Variants in NEBL observed in about 807,000 individuals in gnomAD.
The protein encoded by NEBL is LIM and SH3 protein 2.
In NEBL, 122 loss-of-function variants were observed where a neutral mutation model predicts 140.2. That is an observed-to-expected ratio of 0.87 (90% CI 0.75 to 1.01). The LOEUF is 1.01. Among genes scored for constraint, NEBL ranks in the 50% least tolerant of loss-of-function variants. NEBL has a pLI of 0.00. For synonymous variants in NEBL, 436 were observed against 398.9 expected (o/e 1.09, Z -1.11); for missense variants, 1,365 against 1,231.3 (o/e 1.11, Z -1.62).
At chr10:21,264,776 T>C (rs1181978260) in intron 1 of NEBL, among the ~76,000 whole-genome samples, 1 of 145,260 alleles carries the variant, frequency 6.9e-6, no homozygotes, top group African/African-American at 2.6e-5. Flanking sequence ...CAGAAATGTA[T>C]TGCTCACAGT....
At chr10:20,949,362 TA>T (rs1261878894) in intron 4 of NEBL, among the ~76,000 whole-genome samples, 2 of 152,124 alleles carry the variant, frequency 1.3e-5, no homozygotes, top group African/African-American at 2.4e-5. Flanking sequence ...GTTTAAAACC[TA>T]GGTGACGGAT....
At chr10:21,081,346 AG>A (rs1395186933) in intron 2 of NEBL, among the ~76,000 whole-genome samples, 1 of 152,192 alleles carries the variant, frequency 6.6e-6, no homozygotes, top group Non-Finnish European at 1.5e-5. Flanking sequence ...AGCAGGGGAA[AG>A]GCAGTCAGCC....
At chr10:20,895,053 C>T (rs925079680) in intron 2 of NEBL, among the ~76,000 whole-genome samples, 3 of 151,738 alleles carry the variant, frequency 2.0e-5, no homozygotes, top group Admixed American at 6.6e-5. Context: ...ATTTTACCTA[C>T]GTGGGTGTGA....
intron 1 of NEBL, among the ~76,000 whole-genome samples, chr10:21,289,706 C>T (rs1178829916): frequency 6.6e-6 from 1 of 152,176 alleles, no homozygotes; most frequent in Non-Finnish European, 1.5e-5. Context: ...ATTTGGGCCC[C>T]TTTGAATGAT....
intron 4 of NEBL, among the ~76,000 whole-genome samples, chr10:20,940,783 T>C (rs1207400708): frequency 6.6e-6 from 1 of 151,868 alleles, no homozygotes; most frequent in Non-Finnish European, 1.5e-5. Flanking sequence ...AAATACAAAC[T>C]ACCATCAGAG....
intron 2 of NEBL, among the ~76,000 whole-genome samples, chr10:21,117,609 G>C (rs181616420): frequency 2.6e-5 from 4 of 152,280 alleles, no homozygotes; most frequent in African/African-American, 7.2e-5. Context: ...TGTGCTGCTT[G>C]CCTAATGTCT....
chr10:20,920,498 G>A (rs1833530933), intron 4 of NEBL, among the ~76,000 whole-genome samples: 1 of 152,168 alleles, frequency 6.6e-6, no homozygotes, highest in South Asian at 2.1e-4. Context: ...AGGAGTCCAG[G>A]ATACAGCAAT....
intron 2 of NEBL, among the ~76,000 whole-genome samples, chr10:21,060,439 A>G (rs893881): frequency 0.41 from 62,298 of 152,000 alleles, 12,839 homozygotes; most frequent in Middle Eastern, 0.47. Flanking sequence ...TATCAGAATC[A>G]TCTGGATTGC....
At chr10:21,276,896 G>T (rs1039851509) in intron 1 of NEBL, among the ~76,000 whole-genome samples, 12 of 152,118 alleles carry the variant, frequency 7.9e-5, no homozygotes, top group Non-Finnish European at 1.8e-4. Context: ...GTGAACCTGA[G>T]AGGCGGAGGT....
Position 20,812,900 on chromosome 10 carries a change from C to T in NEBL, c.2387G>A (p.Gly796Asp), listed in dbSNP as rs752344874. The T allele has an allele frequency of 6.2e-7, 1 of 1,613,956 alleles. No individual in the cohort carries two copies. Among genetic ancestry groups the T allele is most frequent in the South Asian group, 1.1e-5 (1 of 91,086 alleles). ...AGGATCGTCCACGACGGGAGTAAAGCCTCTCCCCTTTGTTTTTTCAAAATC... is the reference window on the plus strand; with the variant it reads ...AGGATCGTCCACGACGGGAGTAAAGTCTCTCCCCTTTGTTTTTTCAAAATC... ...HEDFEKTKGR[G>D]FTPVVDDPVT... Residue 796 changes from glycine (G) to aspartate (D), a missense_variant, in exon 24 of 28, where the codon GGC (glycine) becomes GAC (aspartate). By Grantham distance (94) the Gly-to-Asp change is moderately conservative (BLOSUM62 -1). This residue lies in a region of NEBL where 1,323 missense variants were observed against 1,154.8 expected (regional missense o/e 1.15). Transcript: ENST00000377122.
intron 5 of NEBL, among the ~76,000 whole-genome samples, chr10:20,876,709 C>T (rs1320775741): frequency 3.9e-5 from 6 of 152,118 alleles, no homozygotes; most frequent in Non-Finnish European, 5.9e-5. Flanking sequence ...GTATAGACCA[C>T]ATTACTTACA....
At chr10:20,839,200 G>A (rs773969621) in intron 13 of NEBL, among the ~76,000 whole-genome samples, 35 of 152,156 alleles carry the variant, frequency 2.3e-4, no homozygotes, top group South Asian at 1.7e-3. Context: ...TGCTCCTGCC[G>A]CCATCCTGCC....
At chr10:21,041,157 C>G (rs1054769081) in intron 2 of NEBL, among the ~76,000 whole-genome samples, 3 of 152,142 alleles carry the variant, frequency 2.0e-5, no homozygotes, top group Non-Finnish European at 4.4e-5. Flanking sequence ...TTTTGTTAAC[C>G]AGGTAATCAG....
intron 3 of NEBL, among the ~76,000 whole-genome samples, chr10:20,995,912 T>G (rs1408438091): frequency 6.6e-6 from 1 of 150,642 alleles, no homozygotes; most frequent in Non-Finnish European, 1.5e-5. Context: ...CTAATTCTTT[T>G]TCCTTTACAG....
chr10:20,839,352 T>C (rs1841190062), intron 13 of NEBL, among the ~76,000 whole-genome samples: 3 of 152,188 alleles, frequency 2.0e-5, no homozygotes, highest in South Asian at 4.1e-4. Flanking sequence ...AAATGACTAA[T>C]GTAGGGTTAA....
At chr10:21,070,031 C>T (rs1230591320) in intron 2 of NEBL, 8 of 455,868 alleles carry the variant, frequency 1.8e-5, no homozygotes, top group Middle Eastern at 3.2e-4. Context: ...TTGCAGCACA[C>T]GGTGTCACCT....
chr10:21,069,867 T>C, intron 2 of NEBL: 1 of 397,576 alleles, frequency 2.5e-6, no homozygotes, highest in South Asian at 1.8e-5. Flanking sequence ...TTACAGAAGA[T>C]TAAAACAAGT....
chr10:21,212,808 C>T (rs571175650), intron 3 of NEBL, among the ~76,000 whole-genome samples: 73 of 152,216 alleles, frequency 4.8e-4, no homozygotes, highest in Non-Finnish European at 9.3e-4. Flanking sequence ...GCTTGACTAC[C>T]GTTCTCACTC....
intron 4 of NEBL, among the ~76,000 whole-genome samples, chr10:20,919,764 C>T (rs1833490671): frequency 6.6e-6 from 1 of 152,076 alleles, no homozygotes; most frequent in South Asian, 2.1e-4. Flanking sequence ...AGTGGGAAAC[C>T]ATTCCTAACT....
Sources: gnomAD v4.1 joint callset for allele counts (sites outside exome capture counted in the v4.1 genomes callset) on GRCh38, gnomAD v4.1.1 for gene constraint, gnomAD v4.1.1 regional missense constraint, MANE v1.5 for transcripts, NCBI Gene and HGNC (gene_info 2026-07-23, HGNC 2026-07-21) for gene names.